The following FSTL4 variants were observed in gnomAD, a reference collection of about 807,000 sequenced individuals.
The protein encoded by FSTL4 is follistatin-related protein 4.
FSTL4 carries 28 observed loss-of-function variants against 78.2 expected under a neutral mutation model. That is an observed-to-expected ratio of 0.36 (90% CI 0.27 to 0.49). The LOEUF (loss-of-function observed/expected upper bound fraction) is 0.49, where lower values mean the gene tolerates loss of function less well. Among genes scored for constraint, FSTL4 ranks in the 20% least tolerant of loss-of-function variants. The pLI, the probability that FSTL4 is intolerant of heterozygous loss-of-function variation, is 0.98. For synonymous variants in FSTL4, 422 were observed against 440.5 expected, an observed-to-expected ratio of 0.96 and a Z score of 0.53; for missense variants, 922 against 1,084.9, an observed-to-expected ratio of 0.85 and a Z score of 2.11.
chr5:133,501,089 T>C (rs1319269820), intron 3 of FSTL4, among the ~76,000 whole-genome samples: 4 of 152,152 alleles, frequency 2.6e-5, no homozygotes, highest in African/African-American at 9.7e-5. Flanking sequence ...GGAAATGTGC[T>C]TCTGGGGAAG....
chr5:133,717,823 G>A, the FSTL4 span, among the ~76,000 whole-genome samples: 1 of 152,226 alleles, frequency 6.6e-6, no homozygotes, highest in South Asian at 2.1e-4. Context: ...TCATTTATCT[G>A]TGCATGGACA....
chr5:133,634,972 C>G, the FSTL4 span, among the ~76,000 whole-genome samples: 1 of 151,984 alleles, frequency 6.6e-6, no homozygotes, highest in Non-Finnish European at 1.5e-5. Flanking sequence ...ACAATAGACT[C>G]CAGACAATAG....
chr5:133,270,471 T>A (rs116498276), intron 6 of FSTL4, among the ~76,000 whole-genome samples: 1,567 of 152,278 alleles, frequency 0.01, 15 homozygotes, highest in Non-Finnish European at 0.017. Context: ...GTATTAGCGC[T>A]CCGTTCCTGA....
chr5:133,560,512 C>A (rs1489907647), intron 3 of FSTL4, among the ~76,000 whole-genome samples: 1 of 152,002 alleles, frequency 6.6e-6, no homozygotes, highest in Non-Finnish European at 1.5e-5. Context: ...TACAGGCATG[C>A]ACCAACATGC....
chr5:133,444,512 G>A (rs79117866), intron 3 of FSTL4, among the ~76,000 whole-genome samples: 1 of 152,244 alleles, frequency 6.6e-6, no homozygotes, highest in Non-Finnish European at 1.5e-5. Flanking sequence ...ATCAAAAAAG[G>A]TCTGTTATGT....
chr5:133,714,254 G>A, the FSTL4 span, among the ~76,000 whole-genome samples: 25 of 152,276 alleles, frequency 1.6e-4, 1 homozygote, highest in African/African-American at 6.0e-4. Context: ...CCCGTCTCTG[G>A]CAATGTAAAA....
chr5:133,308,589 C>A (rs1753706612), intron 6 of FSTL4, among the ~76,000 whole-genome samples: 2 of 152,152 alleles, frequency 1.3e-5, no homozygotes, highest in South Asian at 2.1e-4. Context: ...TGGGGCCAGG[C>A]ACTATTAGTT....
chr5:133,280,240 A>C (rs1752980336), intron 6 of FSTL4, among the ~76,000 whole-genome samples: 1 of 152,064 alleles, frequency 6.6e-6, no homozygotes. Flanking sequence ...CTGGCCAATC[A>C]TTTCATTGCC....
the FSTL4 span, among the ~76,000 whole-genome samples, chr5:133,661,147 T>C: frequency 1.3e-5 from 2 of 152,334 alleles, no homozygotes; most frequent in South Asian, 2.1e-4. Context: ...CGCGCCATCA[T>C]GCCTGGCTAA....
chr5:133,642,642 G>A, the FSTL4 span, among the ~76,000 whole-genome samples: 59 of 152,280 alleles, frequency 3.9e-4, no homozygotes, highest in African/African-American at 1.3e-3. Context: ...ATTTTGCAGG[G>A]TGGAACTGCC....
intron 2 of FSTL4, 51 bp downstream of exon 2, chr5:133,603,807 A>G (rs376737304): frequency 6.9e-6 from 11 of 1,585,898 alleles, no homozygotes; most frequent in Non-Finnish European, 8.7e-6. Context: ...ATACTGTAAC[A>G]TCGGAAAGCA....
chr5:133,199,354 G>C lies in FSTL4; in HGVS notation c.2270C>G (p.Thr757Arg). The C allele has an allele frequency of 1.2e-6, 2 of 1,613,898 alleles. No homozygotes were observed. The highest frequency in any genetic ancestry group is 3.3e-4 in the Middle Eastern group (2 of 6,062). The change falls in exon 16 of 16, where the codon ACG (threonine) becomes AGG (arginine). Residue 757 changes from threonine to arginine, a missense_variant. Thr to Arg is a moderately conservative substitution (Grantham distance 71). Transcript: ENST00000265342. This position sits in a 1 kb window ranked among gnomAD's most constrained non-coding sequence, Gnocchi z 4.4. The part of the protein sequence containing the change: ...NQYNIYAALH[T>R]EPDLLFLELS... ...CTCCAGGAACAGCAGGTCCGGCTCC[G>C]TGTGCAGAGCCGCGTAGATGTTGTA...
At chr5:133,595,479 A>C (rs914719335) in intron 2 of FSTL4, among the ~76,000 whole-genome samples, 4 of 152,202 alleles carry the variant, frequency 2.6e-5, no homozygotes, top group Non-Finnish European at 5.9e-5. Flanking sequence ...GGCTTTCTGG[A>C]CACTGAGGAT....
the FSTL4 span, among the ~76,000 whole-genome samples, chr5:133,783,228 T>C: frequency 1.3e-5 from 2 of 152,110 alleles, no homozygotes; most frequent in African/African-American, 4.8e-5. Flanking sequence ...TGCGTCAACC[T>C]CAATGAAATT....
At chr5:133,599,848 G>A (rs181536005) in intron 2 of FSTL4, among the ~76,000 whole-genome samples, 3 of 151,376 alleles carry the variant, frequency 2.0e-5, no homozygotes, top group South Asian at 4.2e-4. Context: ...CTGCAAAAGT[G>A]GGGGGGCGGC....
the FSTL4 span, among the ~76,000 whole-genome samples, chr5:133,622,298 G>T: frequency 6.6e-6 from 1 of 151,904 alleles, no homozygotes; most frequent in African/African-American, 2.4e-5. Flanking sequence ...TAACCACCTG[G>T]CTTTTTCTAT....
chr5:133,405,825 C>T (rs1000485152), intron 3 of FSTL4, among the ~76,000 whole-genome samples: 2 of 152,306 alleles, frequency 1.3e-5, no homozygotes, highest in Non-Finnish European at 2.9e-5. Flanking sequence ...CGCTCCAGTC[C>T]CGTGCCATGT....
chr5:133,788,276 G>A, the FSTL4 span, among the ~76,000 whole-genome samples: 1 of 152,176 alleles, frequency 6.6e-6, no homozygotes, highest in African/African-American at 2.4e-5. Context: ...CTAGGACTTG[G>A]ACAAGTCACA....
intron 13 of FSTL4, 30 bp from the exon 14 acceptor site, chr5:133,210,328 A>G (rs535586896): frequency 7.9e-7 from 1 of 1,269,922 alleles, no homozygotes; most frequent in East Asian, 2.3e-5. Flanking sequence ...ATGTTGTGAA[A>G]GCTGACATGA....
Sources: allele counts gnomAD v4.1 joint callset (sites outside exome capture counted in the v4.1 genomes callset), GRCh38; gene constraint gnomAD v4.1.1; non-coding constraint Gnocchi (gnomAD v3.1); transcripts MANE v1.5; gene names NCBI Gene and HGNC (gene_info 2026-07-23, HGNC 2026-07-21).